The following MTMR6 variants were observed in gnomAD, a reference collection of about 807,000 sequenced individuals.
MTMR6 encodes the protein phosphatidylinositol-3,5-bisphosphate 3-phosphatase MTMR6.
MTMR6 carries 47 observed loss-of-function variants against 80.1 expected under a neutral mutation model. The ratio of observed to expected loss-of-function variants is 0.59; its 90% confidence interval spans 0.46 to 0.75. The LOEUF (loss-of-function observed/expected upper bound fraction) is 0.75, where lower values mean the gene tolerates loss of function less well. Among genes scored for constraint, MTMR6 ranks in the 30% least tolerant of loss-of-function variants. MTMR6 has a pLI of 0.00. For synonymous variants in MTMR6, 254 were observed against 253.0 expected (o/e 1.00, Z -0.04); for missense variants, 629 against 730.9 (o/e 0.86, Z 1.61).
At position 25,246,342 on chromosome 13, in the gene MTMR6, T is replaced by G. The variant is rs1002710261; in HGVS notation, c.*2890A>C. On this transcript the variant is annotated 3_prime_UTR_variant, in exon 14 of 14. Coordinates refer to ENST00000381801, the MANE Select transcript of MTMR6 (RefSeq NM_004685.5). ...AATTATTCTAGATTCCAGGCTTTCT[T>G]CTAGATGTAAGTTCCTAAAGCTTAT... is the stretch of plus-strand genomic sequence containing the variant. 3 of 152,664 alleles carry G rather than the reference T, an allele frequency of 2.0e-5. No homozygotes were observed. The highest frequency in any genetic ancestry group is 7.2e-5 in the African/African-American group (3 of 41,454). 9.5% of individuals were successfully genotyped at this position (152,664 alleles called of 1,614,324 possible).
At chr13:25,257,980 C>A (rs1957251885) in intron 7 of MTMR6, 135 bp from the exon 8 acceptor site, 1 of 512,498 alleles carries the variant, frequency 2.0e-6, no homozygotes, top group South Asian at 3.6e-5. Context: ...TGAAAAGATG[C>A]TATTAAAAGC....
intron 5 of MTMR6, 36 bp from the exon 6 acceptor site, chr13:25,261,838 G>A (rs1957349601): frequency 6.4e-7 from 1 of 1,561,490 alleles, no homozygotes; most frequent in Non-Finnish European, 8.7e-7. Flanking sequence ...ATTATGCAAA[G>A]ATCTCTAAAA....
chr13:25,274,961 T>TATACACACACAC (rs1957680028), intron 1 of MTMR6, among the ~76,000 whole-genome samples: 3 of 105,056 alleles, frequency 2.9e-5, no homozygotes, highest in African/African-American at 1.0e-4. Flanking sequence ...CACACACACA[T>TATACACACACAC]ACACACACAC....
At chr13:25,279,563 T>G (rs1023854709) in intron 1 of MTMR6, among the ~76,000 whole-genome samples, 1 of 152,214 alleles carries the variant, frequency 6.6e-6, no homozygotes, top group Non-Finnish European at 1.5e-5. Context: ...GCAAAACTAC[T>G]GTAGTTAGTA....
rs551052664 is a variant in MTMR6, at chr13:25,269,686, TATTA to T, written c.142-1749_142-1746del. Among the ~76,000 whole-genome samples the T allele has an allele frequency of 2.3e-3, 356 of 152,018 alleles. 2 individuals carry two copies. Among genetic ancestry groups the T allele is most frequent in the African/African-American group, 8.1e-3 (336 of 41,528 alleles). On this transcript the variant is annotated intron_variant, in intron 2 of 13. Coordinates refer to ENST00000381801, the MANE Select transcript of MTMR6 (RefSeq NM_004685.5). Reference sequence around the variant, plus strand: ...ATGTAATTATTACATTATATGTTAATATTAATTATACATCTTAAATCTAAAGTTC... The same window carrying T: ...ATGTAATTATTACATTATATGTTAATATTATACATCTTAAATCTAAAGTTC...
intron 1 of MTMR6, among the ~76,000 whole-genome samples, chr13:25,274,961 T>TACATACACACACAC: frequency 9.5e-6 from 1 of 105,056 alleles, no homozygotes; most frequent in South Asian, 3.4e-4. Flanking sequence ...CACACACACA[T>TACATACACACACAC]ACACACACAC....
Position 25,251,861 on chromosome 13 carries a change from G to A in MTMR6, c.1470C>T (p.Phe490=). Residue 490 remains phenylalanine, a synonymous_variant, in exon 12 of 14, where the codon TTC becomes TTT. Transcript: ENST00000381801. This position sits in a 1 kb window ranked among gnomAD's most constrained non-coding sequence, Gnocchi z 4.1. ...FTVLEPNTVS[F]NFKFWRNMYH... ...CAATGATGTCAACTTACTTAAAATT[G>A]AAAGATACTGTATTTGGCTCCAAAA... The A allele has an allele frequency of 6.2e-7, 1 of 1,607,010 alleles. No homozygotes were observed. The highest frequency in any genetic ancestry group is 8.5e-7 in the Non-Finnish European group (1 of 1,178,192).
At chr13:25,286,808 T>C (rs534839539) in intron 1 of MTMR6, among the ~76,000 whole-genome samples, 4 of 152,022 alleles carry the variant, frequency 2.6e-5, no homozygotes, top group South Asian at 2.1e-4. Context: ...CACGGGACAA[T>C]GAAATGTGAG....
rs1373517035 is a variant in MTMR6, at chr13:25,249,213, C to A, written c.*19G>T. The A allele has an allele frequency of 6.2e-7, 1 of 1,605,114 alleles. No individual in the cohort carries two copies. Among genetic ancestry groups the A allele is most frequent in the Non-Finnish European group, 8.5e-7 (1 of 1,173,856 alleles). ...TCCTTTTCTTGTACTGCAATCATTG[C>A]AGAAAAAACTCTATGAGTCTAACAA... On this transcript the variant is annotated 3_prime_UTR_variant, in exon 14 of 14. Transcript: ENST00000381801.
At position 25,265,945 on chromosome 13, in the gene MTMR6, A is replaced by T. The variant is rs752054010; in HGVS notation, c.465T>A (p.Ile155=). ...QLSDANRDYK[I]CETYPRELYV... Reference sequence around the variant, plus strand: ...AAAGTTCTCTGGGGTAAGTTTCACAAATCTGTAAATATCAAACAAAACATA... The same window carrying T: ...AAAGTTCTCTGGGGTAAGTTTCACATATCTGTAAATATCAAACAAAACATA... The change falls in exon 5 of 14, where the codon ATT becomes ATA. Residue 155 remains isoleucine (I), a splice_region_variant and synonymous_variant. Transcript: ENST00000381801. The T allele has an allele frequency of 1.2e-6, 2 of 1,613,336 alleles. No homozygotes were observed. The highest frequency in any genetic ancestry group is 1.7e-6 in the Non-Finnish European group (2 of 1,179,328).
In MTMR6 at chr13:25,270,684, A is replaced by G. The variant is rs918447564; in HGVS notation, c.142-2743T>C. 5.3e-5 allele frequency among the ~76,000 whole-genome samples: 8 copies of G among 152,316 alleles called. No individual in the cohort carries two copies. In the South Asian group the frequency reaches 1.7e-3, roughly 32 times the overall value. On this transcript the variant is annotated intron_variant, in intron 2 of 13. Coordinates refer to ENST00000381801, the MANE Select transcript of MTMR6 (RefSeq NM_004685.5). ...GATGAAGAAGGGATCCAGTGCCTCT[A>G]GGGAATACAACTTCTCCAAGATCAG...
intron 2 of MTMR6, among the ~76,000 whole-genome samples, chr13:25,272,998 T>C (rs1237151761): frequency 6.6e-6 from 1 of 152,080 alleles, no homozygotes; most frequent in Non-Finnish European, 1.5e-5. Flanking sequence ...CCCAGAACTT[T>C]TATAAAATCA....
At chr13:25,283,951 T>C (rs962699425) in intron 1 of MTMR6, among the ~76,000 whole-genome samples, 22 of 152,296 alleles carry the variant, frequency 1.4e-4, no homozygotes, top group Non-Finnish European at 2.5e-4. Context: ...GAAATCCAGA[T>C]TCAGGGACTT....
rs1288222827 is a variant in MTMR6 at position 25,247,467 on chromosome 13, A to T, written c.*1765T>A. 6.6e-6 allele frequency: 1 copy of T among 152,584 alleles called. No homozygotes were observed. Among genetic ancestry groups the T allele is most frequent in the Non-Finnish European group, 1.5e-5 (1 of 68,018 alleles). The allele number at this position is 152,584 out of a possible 1,614,324, so 9.5% of individuals were successfully genotyped here. Reference sequence around the variant, plus strand: ...TGTGAGCATATAAACACACAAATATATGTCTGAAGTTGAAGATTAAGATAA... The same window carrying T: ...TGTGAGCATATAAACACACAAATATTTGTCTGAAGTTGAAGATTAAGATAA... On this transcript the variant is annotated 3_prime_UTR_variant, in exon 14 of 14. Coordinates refer to ENST00000381801, the MANE Select transcript of MTMR6 (RefSeq NM_004685.5).
intron 1 of MTMR6, among the ~76,000 whole-genome samples, chr13:25,278,985 A>G (rs1234269443): frequency 6.6e-6 from 1 of 152,232 alleles, no homozygotes; most frequent in Non-Finnish European, 1.5e-5. Flanking sequence ...TACTATCAGG[A>G]AAGAGTTTAC....
chr13:25,279,026 C>T (rs1035440935), intron 1 of MTMR6, among the ~76,000 whole-genome samples: 1 of 152,154 alleles, frequency 6.6e-6, no homozygotes, highest in Admixed American at 6.5e-5. Context: ...TACTGGCTAT[C>T]AACTAAGGGC....
At chr13:25,273,783 C>A (rs1957637724) in intron 2 of MTMR6, among the ~76,000 whole-genome samples, 1 of 152,084 alleles carries the variant, frequency 6.6e-6, no homozygotes, top group Non-Finnish European at 1.5e-5. Flanking sequence ...CCTCGGCCTC[C>A]CAAAGTGCTG....
chr13:25,271,144 T>G (rs1295991311), intron 2 of MTMR6, among the ~76,000 whole-genome samples: 1 of 151,928 alleles, frequency 6.6e-6, no homozygotes, highest in African/African-American at 2.4e-5. Context: ...CCTCAAGAGA[T>G]AAAAAATACT....
In MTMR6 at chr13:25,249,346, A is replaced by C; in HGVS notation, c.1752T>G (p.Thr584=). 6.2e-7 allele frequency: 1 copy of C among 1,614,114 alleles called. No individual in the cohort carries two copies. The highest frequency in any genetic ancestry group is 8.5e-7 in the Non-Finnish European group (1 of 1,179,982). The stretch of plus-strand genomic sequence containing the variant: ...TATCTGCCGGGCTGCTGCCCTCTAT[A>C]GTTCGAAGAGCATCATTTACGGGTA... ...TLLPVNDALR[T]IEGSSPADNR... Residue 584 remains threonine, a synonymous_variant, in exon 14 of 14, where the codon ACT becomes ACG. Coordinates refer to ENST00000381801, the MANE Select transcript of MTMR6 (RefSeq NM_004685.5).
Sources: gnomAD v4.1 joint callset for allele counts (sites outside exome capture counted in the v4.1 genomes callset) on GRCh38, gnomAD v4.1.1 for gene constraint, Gnocchi (gnomAD v3.1) non-coding constraint, MANE v1.5 for transcripts, NCBI Gene and HGNC (gene_info 2026-07-23, HGNC 2026-07-21) for gene names.